CHD6: variants seen among roughly 807,000 people sequenced by gnomAD.
CHD6 encodes the protein chromodomain helicase DNA binding protein 6.
In CHD6, 50 loss-of-function variants were observed where a neutral mutation model predicts 276.9. That is an observed-to-expected ratio of 0.18 (90% CI 0.14 to 0.23). The LOEUF is 0.23. CHD6 is among the 10% of genes least tolerant of loss of function. The pLI is 1.00. For synonymous variants in CHD6, 1,173 were observed against 1,229.3 expected (o/e 0.95, Z 0.96); for missense variants, 2,564 against 3,365.8 (o/e 0.76, Z 5.89).
chr20:41,609,251 G>A (rs1433679875), intron 1 of CHD6, among the ~76,000 whole-genome samples: 1 of 152,144 alleles, frequency 6.6e-6, no homozygotes, highest in African/African-American at 2.4e-5. Context: ...AGTCTAGCCT[G>A]GGCAACGTAA....
chr20:41,492,539 G>A (rs2043580266), intron 10 of CHD6, among the ~76,000 whole-genome samples: 1 of 152,168 alleles, frequency 6.6e-6, no homozygotes, highest in Non-Finnish European at 1.5e-5. Flanking sequence ...TATAAAAATG[G>A]CAATGTTTTT....
chr20:41,500,609 T>C (rs2043808112), intron 5 of CHD6, among the ~76,000 whole-genome samples: 2 of 152,144 alleles, frequency 1.3e-5, no homozygotes, highest in Non-Finnish European at 2.9e-5. Context: ...ATACAGACTA[T>C]GCTTTTGTTT....
intron 17 of CHD6, among the ~76,000 whole-genome samples, chr20:41,471,281 A>G (rs2043045995): frequency 6.6e-6 from 1 of 152,240 alleles, no homozygotes; most frequent in Non-Finnish European, 1.5e-5. Flanking sequence ...CTTAATCTGT[A>G]TAATTGTCGT....
chr20:41,487,916 T>C lies in CHD6; in HGVS notation c.1858-108A>G, dbSNP rs1186383173. Reference sequence around the variant, plus strand: ...TTGAGTGCTCAATTTGGGGCAATTCTGATCTGCTTTAATGAAAAGATAATA... The same window carrying C: ...TTGAGTGCTCAATTTGGGGCAATTCCGATCTGCTTTAATGAAAAGATAATA... On this transcript the variant is annotated intron_variant, in intron 13 of 36. Transcript: ENST00000373233. 6.4e-6 allele frequency: 7 copies of C among 1,101,726 alleles called. No individual in the cohort carries two copies. In the African/African-American group the frequency reaches 9.9e-5, roughly 16 times the overall value. The allele number at this position is 1,101,726 out of a possible 1,614,324, so 68.2% of individuals were successfully genotyped here. A position where few individuals can be genotyped will look rare whatever the true frequency, so the allele number is the denominator to read the frequency against.
intron 25 of CHD6, among the ~76,000 whole-genome samples, chr20:41,443,448 C>T (rs757685619): frequency 3.9e-5 from 6 of 152,178 alleles, no homozygotes; most frequent in African/African-American, 1.2e-4. Context: ...ATGTCCTTCA[C>T]GTGAGAATTA....
chr20:41,454,870 A>G (rs2048337298), intron 19 of CHD6, 134 bp from the exon 20 acceptor site: 2 of 495,384 alleles, frequency 4.0e-6, no homozygotes, highest in African/African-American at 3.9e-5. Context: ...AGAGCTTCCA[A>G]AATGAATTGA....
chr20:41,606,657 A>G (rs2045832314), intron 1 of CHD6, among the ~76,000 whole-genome samples: 1 of 147,848 alleles, frequency 6.8e-6, no homozygotes, highest in African/African-American at 2.6e-5. Flanking sequence ...CCTGGGCAAC[A>G]GAGCAAGACT....
rs1480561229 is a variant in CHD6, at chr20:41,423,729, A to G, written c.4347-29T>C. ...GAGATTTAATCAGAAAGGAAGAGTG[A>G]GCTCTTTCTTCTTTTTTTAAAGCCA... On this transcript the variant is annotated intron_variant, in intron 29 of 36. Coordinates refer to ENST00000373233, the MANE Select transcript of CHD6 (RefSeq NM_032221.5). 10 of 1,566,466 alleles carry G rather than the reference A, an allele frequency of 6.4e-6. No individual in the cohort carries two copies. In the Admixed American group the frequency reaches 1.2e-4, roughly 19 times the overall value.
At chr20:41,418,363 C>T (rs1001933985) in intron 31 of CHD6, among the ~76,000 whole-genome samples, 3 of 151,968 alleles carry the variant, frequency 2.0e-5, no homozygotes, top group Non-Finnish European at 1.5e-5. Flanking sequence ...GAGAGTCTCT[C>T]GGAGGAGGGA....
intron 5 of CHD6, among the ~76,000 whole-genome samples, chr20:41,505,548 C>T (rs148188461): frequency 9.2e-5 from 14 of 152,230 alleles, no homozygotes; most frequent in Admixed American, 2.0e-4. Context: ...AGCCCACCTC[C>T]GGATGACTCT....
chr20:41,551,515 A>T (rs1213679151), intron 1 of CHD6, among the ~76,000 whole-genome samples, 155 bp from the exon 2 acceptor site: 1 of 152,232 alleles, frequency 6.6e-6, no homozygotes, highest in African/African-American at 2.4e-5. Context: ...GTAAGTGTAC[A>T]CCTAATTAGA....
At chr20:41,494,874 C>T (rs148623902) in intron 8 of CHD6, among the ~76,000 whole-genome samples, 7 of 152,328 alleles carry the variant, frequency 4.6e-5, no homozygotes, top group Non-Finnish European at 7.4e-5. Context: ...ACAGCTTTAT[C>T]TCTACCTCTT....
intron 19 of CHD6, 115 bp from the exon 20 acceptor site, chr20:41,454,851 A>T: frequency 3.3e-6 from 2 of 610,826 alleles, no homozygotes; most frequent in Non-Finnish European, 5.6e-6. Context: ...TCAAAATCAA[A>T]CCCTTAACAG....
At chr20:41,540,459 T>C (rs1568689237) in intron 2 of CHD6, among the ~76,000 whole-genome samples, 1 of 152,128 alleles carries the variant, frequency 6.6e-6, no homozygotes, top group Non-Finnish European at 1.5e-5. Flanking sequence ...AATAGAAAAA[T>C]TTTACAGACT....
At chr20:41,417,036 G>T (rs574914616) in intron 32 of CHD6, among the ~76,000 whole-genome samples, 162 bp downstream of exon 32, 1 of 152,254 alleles carries the variant, frequency 6.6e-6, no homozygotes, top group Non-Finnish European at 1.5e-5. Context: ...TTAGTTAAGC[G>T]CATGTATCTT....
intron 1 of CHD6, among the ~76,000 whole-genome samples, chr20:41,605,110 G>C (rs545925494): frequency 1.3e-5 from 2 of 152,202 alleles, no homozygotes; most frequent in Admixed American, 1.3e-4. Context: ...TACTGTGTCT[G>C]TAAGTAACTC....
chr20:41,603,496 T>C (rs890322723), intron 1 of CHD6, among the ~76,000 whole-genome samples: 6 of 152,194 alleles, frequency 3.9e-5, no homozygotes, highest in African/African-American at 1.4e-4. Flanking sequence ...GGTAAATTCC[T>C]TGTGTAAGGA....
intron 36 of CHD6, among the ~76,000 whole-genome samples, chr20:41,406,804 C>A (rs983152459): frequency 6.6e-6 from 1 of 152,200 alleles, no homozygotes; most frequent in African/African-American, 2.4e-5. Flanking sequence ...TCAACTAGTA[C>A]ATGCCCATGG....
intron 36 of CHD6, among the ~76,000 whole-genome samples, chr20:41,408,766 G>A (rs1209869905): frequency 2.0e-5 from 3 of 152,186 alleles, no homozygotes; most frequent in African/African-American, 7.2e-5. Context: ...CCACCTCAGA[G>A]GTCTTTCTGT....
Sources: allele counts gnomAD v4.1 joint callset (sites outside exome capture counted in the v4.1 genomes callset), GRCh38; gene constraint gnomAD v4.1.1; transcripts MANE v1.5; gene names NCBI Gene and HGNC (gene_info 2026-07-23, HGNC 2026-07-21).